Variants in CNTNAP5 observed in about 807,000 individuals in gnomAD.
CNTNAP5 encodes contactin-associated protein-like 5.
A neutral mutation model predicts 150.2 loss-of-function variants in CNTNAP5; 72 were observed. The observed-to-expected ratio is 0.48, with a 90% CI of 0.40 to 0.58. The LOEUF (loss-of-function observed/expected upper bound fraction) is 0.58, where lower values mean the gene tolerates loss of function less well. Among genes scored for constraint, CNTNAP5 ranks in the 20% least tolerant of loss-of-function variants. The pLI, the probability that CNTNAP5 is intolerant of heterozygous loss-of-function variation, is 0.00. For missense variants in CNTNAP5, 1,636 were observed against 1,626.2 expected (o/e 1.01, Z -0.10); for synonymous variants, 672 against 619.8 (o/e 1.08, Z -1.25).
At chr2:124,670,159 TCCTTCCTTCCTTCCTTCCTC>T (rs1345070894) in intron 13 of CNTNAP5, among the ~76,000 whole-genome samples, 6 of 133,972 alleles carry the variant, frequency 4.5e-5, no homozygotes, top group African/African-American at 1.5e-4. Context: ...CTTCCTTCCT[TCCTTCCTTCCTTCCTTCCTC>T]CCTCTCTTTC....
chr2:124,808,286 C>G (rs1243426091), intron 19 of CNTNAP5, among the ~76,000 whole-genome samples: 2 of 152,106 alleles, frequency 1.3e-5, no homozygotes, highest in Non-Finnish European at 2.9e-5. Flanking sequence ...GATTTATTAT[C>G]TCTCCCTTCT....
intron 13 of CNTNAP5, among the ~76,000 whole-genome samples, chr2:124,734,721 T>C (rs1012778701): frequency 6.6e-6 from 1 of 152,158 alleles, no homozygotes; most frequent in Non-Finnish European, 1.5e-5. Flanking sequence ...TCTCCACTTA[T>C]CATCCTACCT....
chr2:124,212,829 CTTTTTTT>C (rs66534077), intron 1 of CNTNAP5, among the ~76,000 whole-genome samples: 1 of 62,872 alleles, frequency 1.6e-5, no homozygotes, highest in Non-Finnish European at 2.7e-5. Context: ...GTAGATAAAT[CTTTTTTT>C]TTTTTTTTTT....
chr2:124,478,979 C>T (rs1693706042), intron 7 of CNTNAP5, among the ~76,000 whole-genome samples: 1 of 152,146 alleles, frequency 6.6e-6, no homozygotes, highest in Admixed American at 6.5e-5. Context: ...TCTTGTGGGA[C>T]CTTCCCACTC....
chr2:124,366,585 G>A (rs928856807), intron 3 of CNTNAP5, among the ~76,000 whole-genome samples: 1 of 152,118 alleles, frequency 6.6e-6, no homozygotes, highest in Admixed American at 6.6e-5. Context: ...TGGATCTGAA[G>A]GGAACTTTCT....
intron 22 of CNTNAP5, among the ~76,000 whole-genome samples, chr2:124,910,732 T>A (rs1480760019): frequency 6.6e-6 from 1 of 152,088 alleles, no homozygotes; most frequent in African/African-American, 2.4e-5. Flanking sequence ...TGTAGTCATT[T>A]TCCAATGATC....
intron 19 of CNTNAP5, among the ~76,000 whole-genome samples, chr2:124,858,106 T>C (rs1677420770): frequency 6.6e-6 from 1 of 152,156 alleles, no homozygotes; most frequent in African/African-American, 2.4e-5. Flanking sequence ...TCATACTGAA[T>C]GGGCAAAAAC....
chr2:124,400,860 C>A (rs1691404058), intron 3 of CNTNAP5, among the ~76,000 whole-genome samples: 1 of 151,654 alleles, frequency 6.6e-6, no homozygotes, highest in Non-Finnish European at 1.5e-5. Flanking sequence ...TTCATTACCC[C>A]CTACACTTTT....
chr2:124,455,109 A>G (rs1458281285), intron 6 of CNTNAP5, among the ~76,000 whole-genome samples: 1 of 152,136 alleles, frequency 6.6e-6, no homozygotes, highest in African/African-American at 2.4e-5. Context: ...TGAAACAAAA[A>G]TCTGGTTCTT....
Position 124,729,738 on chromosome 2 carries a change from A to G in CNTNAP5, c.2078-17491A>G, listed in dbSNP as rs138187956. 3.0e-3 allele frequency among the ~76,000 whole-genome samples: 452 copies of G among 152,234 alleles called. 3 individuals carry two copies. Among genetic ancestry groups the G allele is most frequent in the African/African-American group, 0.01 (427 of 41,566 alleles). On this transcript the variant is annotated intron_variant, in intron 13 of 23. Coordinates refer to ENST00000682447, the MANE Select transcript of CNTNAP5 (RefSeq NM_001367498.1). ...CTGGAGTAACCAGATACTCAAGATAAAATAACCACACCCTCTATTTTGAGA... is the reference window on the plus strand; with the variant it reads ...CTGGAGTAACCAGATACTCAAGATAGAATAACCACACCCTCTATTTTGAGA...
intron 3 of CNTNAP5, among the ~76,000 whole-genome samples, chr2:124,412,571 C>A (rs1197915203): frequency 6.6e-6 from 1 of 151,278 alleles, no homozygotes; most frequent in Non-Finnish European, 1.5e-5. Flanking sequence ...TCAGAAATAA[C>A]GCTGCATATC....
intron 3 of CNTNAP5, among the ~76,000 whole-genome samples, chr2:124,339,887 C>T (rs1168919853): frequency 6.6e-6 from 1 of 151,884 alleles, no homozygotes; most frequent in African/African-American, 2.4e-5. Context: ...CTGTGTGGGG[C>T]CATAGAATCA....
chr2:124,865,637 G>A (rs1677615853), intron 20 of CNTNAP5, among the ~76,000 whole-genome samples: 1 of 152,146 alleles, frequency 6.6e-6, no homozygotes, highest in Admixed American at 6.5e-5. Flanking sequence ...GCATCACTTG[G>A]GACCCTGTTA....
At chr2:124,359,985 G>A (rs2104713293) in intron 3 of CNTNAP5, among the ~76,000 whole-genome samples, 1 of 118,812 alleles carries the variant, frequency 8.4e-6, no homozygotes, top group Non-Finnish European at 1.8e-5. Context: ...GAATCTGGGT[G>A]CTCCTGTATT....
chr2:124,483,774 T>C (rs1283036349), intron 7 of CNTNAP5, among the ~76,000 whole-genome samples: 5 of 152,242 alleles, frequency 3.3e-5, no homozygotes, highest in Non-Finnish European at 7.3e-5. Context: ...ATCCTTCTTT[T>C]CAAAGAGAAG....
chr2:124,710,334 G>A (rs1679780531), intron 13 of CNTNAP5, among the ~76,000 whole-genome samples: 1 of 152,186 alleles, frequency 6.6e-6, no homozygotes, highest in African/African-American at 2.4e-5. Context: ...TGGTCAGAGA[G>A]TTTCCATCTT....
intron 1 of CNTNAP5, among the ~76,000 whole-genome samples, chr2:124,209,918 T>C (rs1358405674): frequency 6.6e-6 from 1 of 152,108 alleles, no homozygotes; most frequent in Non-Finnish European, 1.5e-5. Context: ...AAGTGGAAGG[T>C]GATGTGCGGG....
intron 13 of CNTNAP5, among the ~76,000 whole-genome samples, chr2:124,717,262 G>A (rs1034417129): frequency 1.3e-5 from 2 of 152,184 alleles, no homozygotes; most frequent in East Asian, 1.9e-4. Context: ...CAGAGGCTGC[G>A]TGCTGCCAGA....
At chr2:124,606,667 T>C (rs1032181939) in intron 11 of CNTNAP5, among the ~76,000 whole-genome samples, 3 of 152,154 alleles carry the variant, frequency 2.0e-5, no homozygotes, top group African/African-American at 4.8e-5. Context: ...CTCACAATCA[T>C]GGCAGAGGGC....
Sources: gnomAD v4.1 joint callset for allele counts (sites outside exome capture counted in the v4.1 genomes callset) on GRCh38, gnomAD v4.1.1 for gene constraint, MANE v1.5 for transcripts, NCBI Gene and HGNC (gene_info 2026-07-23, HGNC 2026-07-21) for gene names.